The following TSHZ2 variants were observed in gnomAD, a reference collection of about 807,000 sequenced individuals.
The protein encoded by TSHZ2 is teashirt zinc finger homeobox 2.
In TSHZ2, 21 loss-of-function variants were observed where a neutral mutation model predicts 74.4. The ratio of observed to expected loss-of-function variants is 0.28; its 90% CI spans 0.20 to 0.41. TSHZ2 has a LOEUF of 0.41. TSHZ2 is among the 10% of genes least tolerant of loss of function. The pLI, the probability that TSHZ2 is intolerant of heterozygous loss-of-function variation, is 1.00. For synonymous variants in TSHZ2, 540 were observed against 515.3 expected (o/e 1.05, Z -0.65); for missense variants, 1,244 against 1,293.5 (o/e 0.96, Z 0.59).
chr20:53,091,918 C>T (rs1174429101), intron 1 of TSHZ2, among the ~76,000 whole-genome samples: 3 of 151,986 alleles, frequency 2.0e-5, no homozygotes, highest in African/African-American at 4.8e-5. Flanking sequence ...TGGTGGTACC[C>T]GCCTGTTGTA....
intron 1 of TSHZ2, chr20:53,196,137 A>G (rs778946608): frequency 6.6e-6 from 1 of 152,052 alleles, no homozygotes; most frequent in African/African-American, 2.4e-5. Flanking sequence ...TTTATGCCAC[A>G]TGGATTTCAT....
intron 2 of TSHZ2, among the ~76,000 whole-genome samples, chr20:53,299,550 T>A (rs1179670154): frequency 6.6e-6 from 1 of 152,250 alleles, no homozygotes; most frequent in Non-Finnish European, 1.5e-5. Context: ...TAATTCTAAG[T>A]CCGATTATTC....
rs1982068030 is a variant in TSHZ2 at position 52,993,572 on chromosome 20, G to A, written c.40+20239G>A. Among the ~76,000 whole-genome samples the A allele has an allele frequency of 2.0e-5, 3 of 152,190 alleles. No individual in the cohort carries two copies. The East Asian group carries it at 5.8e-4, about 29-fold the overall frequency. ...GCACTCTGACAAATAAAAATAAGCA[G>A]GAACGCTTGTTTGTAACTGCAATTG... On this transcript the variant is annotated intron_variant, in intron 1 of 2. Coordinates refer to ENST00000371497, the MANE Select transcript of TSHZ2 (RefSeq NM_173485.6).
chr20:53,255,287 C>A lies in TSHZ2; in HGVS notation c.1829C>A (p.Ala610Glu), dbSNP rs201107992. The A allele has an allele frequency of 6.8e-6, 11 of 1,614,172 alleles. No homozygotes were observed. In the African/African-American group the frequency reaches 9.3e-5, roughly 14 times the overall value. ...VKKESEDKDE[A>E]VKECGKESPH... is the part of the protein sequence containing the mutation. Reference sequence around the variant, plus strand: ...AAAGAGTCAGAAGACAAAGATGAAGCGGTGAAGGAGTGTGGGAAAGAAAGT... The same window carrying A: ...AAAGAGTCAGAAGACAAAGATGAAGAGGTGAAGGAGTGTGGGAAAGAAAGT... Residue 610 changes from alanine to glutamate, a missense_variant, in exon 2 of 3, where the codon GCG becomes GAG. This residue lies in a region of TSHZ2 where 562 missense variants were observed against 544.0 expected (regional missense o/e 1.03). Coordinates refer to ENST00000371497, the MANE Select transcript of TSHZ2 (RefSeq NM_173485.6). This position sits in a 1 kb window ranked among gnomAD's most constrained non-coding sequence, Gnocchi z 4.1.
intron 2 of TSHZ2, among the ~76,000 whole-genome samples, chr20:53,459,692 G>A (rs1051725514): frequency 2.1e-5 from 3 of 141,746 alleles, no homozygotes; most frequent in Admixed American, 7.2e-5. Flanking sequence ...GCAGCGGCTG[G>A]TACCGGTTGT....
At chr20:53,448,104 G>A (rs1984628948) in intron 2 of TSHZ2, among the ~76,000 whole-genome samples, 2 of 151,896 alleles carry the variant, frequency 1.3e-5, no homozygotes, top group Non-Finnish European at 2.9e-5. Flanking sequence ...TAGTAGAGAT[G>A]GGGTTTCACC....
intron 2 of TSHZ2, among the ~76,000 whole-genome samples, chr20:53,351,724 C>T (rs1350675798): frequency 5.3e-5 from 8 of 152,174 alleles, no homozygotes; most frequent in Admixed American, 4.6e-4. Context: ...CCATATCACA[C>T]GAGTCTCATC....
chr20:53,201,023 T>G (rs1359267784), intron 1 of TSHZ2, among the ~76,000 whole-genome samples: 1 of 152,042 alleles, frequency 6.6e-6, no homozygotes, highest in Non-Finnish European at 1.5e-5. Flanking sequence ...TTAATTTTTT[T>G]TTTTAAGAAA....
intron 1 of TSHZ2, among the ~76,000 whole-genome samples, chr20:53,212,407 A>T (rs1263618382): frequency 6.6e-6 from 1 of 152,186 alleles, no homozygotes; most frequent in Non-Finnish European, 1.5e-5. Context: ...ATACTAACGA[A>T]TCCTTGCTGT....
At chr20:53,120,838 T>A (rs903669333) in intron 1 of TSHZ2, among the ~76,000 whole-genome samples, 7 of 152,226 alleles carry the variant, frequency 4.6e-5, no homozygotes, top group African/African-American at 1.7e-4. Context: ...ATTTGCCGTA[T>A]AAGTGAAATA....
intron 2 of TSHZ2, among the ~76,000 whole-genome samples, chr20:53,388,563 T>C (rs1047908257): frequency 4.6e-5 from 7 of 151,958 alleles, no homozygotes; most frequent in African/African-American, 1.7e-4. Context: ...CCTCTTTAAC[T>C]TTCTTCTTCT....
chr20:53,370,937 A>G (rs1981446123), intron 2 of TSHZ2, among the ~76,000 whole-genome samples: 2 of 152,170 alleles, frequency 1.3e-5, no homozygotes, highest in Non-Finnish European at 2.9e-5. Flanking sequence ...TTGGAAATCA[A>G]GGTGAAGGCA....
Position 53,073,130 on chromosome 20 carries a change from A to G in TSHZ2, c.40+99797A>G, listed in dbSNP as rs545586575. Among the ~76,000 whole-genome samples, 25 of 139,670 alleles carry G rather than the reference A, an allele frequency of 1.8e-4. No individual in the cohort carries two copies. In the South Asian group the frequency reaches 5.1e-3, roughly 28 times the overall value. The allele number at this position is 139,670 out of a possible 152,430, so 91.6% of individuals were successfully genotyped here. On this transcript the variant is annotated intron_variant, in intron 1 of 2. Coordinates refer to ENST00000371497, the MANE Select transcript of TSHZ2 (RefSeq NM_173485.6). ...CATCCCTCCATTCATCCATTCCTCCATCCATCCCTTAATCCATTCATCCAT... is the reference window on the plus strand; with the variant it reads ...CATCCCTCCATTCATCCATTCCTCCGTCCATCCCTTAATCCATTCATCCAT...
chr20:53,250,900 A>ATT (rs1057312617), intron 1 of TSHZ2, among the ~76,000 whole-genome samples: 6 of 67,498 alleles, frequency 8.9e-5, no homozygotes, highest in Non-Finnish European at 1.4e-4. Context: ...GGGTGGGCAG[A>ATT]TTGTGTGTGT....
chr20:53,453,686 A>T (rs1984914660), intron 2 of TSHZ2, among the ~76,000 whole-genome samples: 1 of 152,214 alleles, frequency 6.6e-6, no homozygotes, highest in South Asian at 2.1e-4. Context: ...TATTGGGGGA[A>T]TCCTTCATAC....
intron 1 of TSHZ2, among the ~76,000 whole-genome samples, chr20:53,111,235 GAGA>G (rs1191790031): frequency 6.6e-6 from 1 of 152,180 alleles, no homozygotes; most frequent in African/African-American, 2.4e-5. Context: ...ACGTGGCCAG[GAGA>G]AGATTATTTA....
At position 53,254,841 on chromosome 20, in the gene TSHZ2, G is replaced by A; in HGVS notation, c.1383G>A (p.Lys461=). ...GTACAGCCTCTACAACTGAGTTAAA[G>A]AAAGAGAGTAAAAAAGAAAGGCCAG... ...SDCTASTTEL[K]KESKKERPEE... Residue 461 remains lysine (K), a synonymous_variant, in exon 2 of 3, where the codon AAG becomes AAA. Transcript: ENST00000371497. 1 of 1,614,022 alleles carries A rather than the reference G, an allele frequency of 6.2e-7. No individual in the cohort carries two copies. Among genetic ancestry groups the A allele is most frequent in the South Asian group, 1.1e-5 (1 of 91,058 alleles).
chr20:52,981,666 T>G (rs751059599), intron 1 of TSHZ2, among the ~76,000 whole-genome samples: 1 of 152,222 alleles, frequency 6.6e-6, no homozygotes, highest in Non-Finnish European at 1.5e-5. Flanking sequence ...AAGCAGTGTT[T>G]TAGCCTCTTC....
intron 2 of TSHZ2, among the ~76,000 whole-genome samples, chr20:53,312,409 C>T (rs997511933): frequency 1.3e-5 from 2 of 152,160 alleles, no homozygotes; most frequent in Non-Finnish European, 1.5e-5. Context: ...GGGTGCAAAA[C>T]CCTGAATGGC....
Sources: allele counts gnomAD v4.1 joint callset (sites outside exome capture counted in the v4.1 genomes callset), GRCh38; gene constraint gnomAD v4.1.1; regional missense constraint gnomAD v4.1.1; non-coding constraint Gnocchi (gnomAD v3.1); transcripts MANE v1.5; gene names NCBI Gene and HGNC (gene_info 2026-07-23, HGNC 2026-07-21).